The following GRIK4 variants were observed in gnomAD, a reference collection of about 807,000 sequenced individuals.
GRIK4 encodes the protein glutamate ionotropic receptor kainate type subunit 4.
In GRIK4, 40 loss-of-function variants were observed where a neutral mutation model predicts 104.9. That is an observed-to-expected ratio of 0.38 (90% CI 0.30 to 0.50). The LOEUF is 0.50. Ranked by LOEUF, GRIK4 falls within the 20% of genes least tolerant of loss-of-function variation. The pLI is 0.93. For missense variants in GRIK4, 1,047 were observed against 1,308.1 expected, an observed-to-expected ratio of 0.80 and a Z score of 3.08; for synonymous variants, 485 against 524.9, an observed-to-expected ratio of 0.92 and a Z score of 1.04.
intron 3 of GRIK4, among the ~76,000 whole-genome samples, chr11:120,715,976 G>T (rs898964095): frequency 6.6e-6 from 1 of 152,174 alleles, no homozygotes; most frequent in Non-Finnish European, 1.5e-5. Flanking sequence ...CCTGAGCAGA[G>T]AGTGGGCTTC....
At chr11:120,520,378 C>T (rs1317876330) in intron 1 of GRIK4, among the ~76,000 whole-genome samples, 1 of 152,208 alleles carries the variant, frequency 6.6e-6, no homozygotes, top group African/African-American at 2.4e-5. Context: ...TTTCTTCGAT[C>T]CCTGAGTGAG....
At chr11:120,892,758 C>T (rs1404542173) in intron 11 of GRIK4, among the ~76,000 whole-genome samples, 1 of 152,166 alleles carries the variant, frequency 6.6e-6, no homozygotes, top group African/African-American at 2.4e-5. Context: ...ACAGTCATCT[C>T]CTTTCCAAAG....
chr11:120,587,303 G>A (rs1948679165), intron 1 of GRIK4, among the ~76,000 whole-genome samples: 1 of 152,054 alleles, frequency 6.6e-6, no homozygotes, highest in Non-Finnish European at 1.5e-5. Flanking sequence ...GCCAGTGTGA[G>A]TACGTGATTG....
chr11:120,570,714 C>T (rs1476572828), intron 1 of GRIK4, among the ~76,000 whole-genome samples: 1 of 152,252 alleles, frequency 6.6e-6, no homozygotes, highest in Admixed American at 6.5e-5. Flanking sequence ...CCTTGGCCTG[C>T]CAAAGTGCTA....
chr11:120,780,082 T>C (rs1362507290), intron 3 of GRIK4, among the ~76,000 whole-genome samples: 1 of 152,224 alleles, frequency 6.6e-6, no homozygotes. Flanking sequence ...ATCTCCTAGA[T>C]TATCATGAGA....
intron 1 of GRIK4, among the ~76,000 whole-genome samples, chr11:120,618,720 A>G (rs1949146342): frequency 6.6e-6 from 1 of 152,244 alleles, no homozygotes; most frequent in Admixed American, 6.5e-5. Context: ...CGTGGGCCAC[A>G]GTTTCAGAGG....
chr11:120,604,927 A>T (rs997968442), intron 1 of GRIK4, among the ~76,000 whole-genome samples: 6 of 152,152 alleles, frequency 3.9e-5, no homozygotes, highest in Non-Finnish European at 8.8e-5. Flanking sequence ...CAGTGGTATG[A>T]TCATGGCTCA....
At chr11:120,672,205 C>T (rs569776190) in intron 3 of GRIK4, among the ~76,000 whole-genome samples, 3 of 152,028 alleles carry the variant, frequency 2.0e-5, no homozygotes, top group Admixed American at 6.6e-5. Context: ...ATCATGAGTT[C>T]GGGAGTTTGA....
intron 3 of GRIK4, among the ~76,000 whole-genome samples, chr11:120,756,907 G>A (rs1951664059): frequency 6.6e-6 from 1 of 152,210 alleles, no homozygotes; most frequent in Non-Finnish European, 1.5e-5. Context: ...AGCCAGCCCA[G>A]CCAGCCCCTG....
intron 3 of GRIK4, among the ~76,000 whole-genome samples, chr11:120,692,729 C>A (rs549962890): frequency 3.3e-5 from 5 of 152,222 alleles, no homozygotes; most frequent in South Asian, 4.2e-4. Context: ...TTTGGAGAAA[C>A]AGGCAACTCT....
At chr11:120,614,421 A>G (rs992528520) in intron 1 of GRIK4, among the ~76,000 whole-genome samples, 1 of 152,166 alleles carries the variant, frequency 6.6e-6, no homozygotes, top group Non-Finnish European at 1.5e-5. Context: ...TCCCATGTGC[A>G]TGGGCTGCAT....
At chr11:120,677,593 A>G (rs1026701590) in intron 3 of GRIK4, among the ~76,000 whole-genome samples, 1 of 152,232 alleles carries the variant, frequency 6.6e-6, no homozygotes, top group Non-Finnish European at 1.5e-5. Flanking sequence ...TTGTTGGTAC[A>G]TGTTCTAAAT....
chr11:120,874,241 C>A (rs1253272901), intron 10 of GRIK4, 23 bp downstream of exon 10: 3 of 1,595,452 alleles, frequency 1.9e-6, no homozygotes, highest in Non-Finnish European at 2.6e-6. Context: ...TGAGGCCCTG[C>A]AGGGCTGTGC....
intron 13 of GRIK4, among the ~76,000 whole-genome samples, chr11:120,930,962 G>A (rs532179316): frequency 2.0e-5 from 3 of 152,324 alleles, no homozygotes; most frequent in Admixed American, 6.5e-5. Flanking sequence ...GCTGTGGTGC[G>A]TAAGTGAGTT....
At position 120,675,888 on chromosome 11, in the gene GRIK4, CCATGA is replaced by C. The variant is rs371192860; in HGVS notation, c.82+15492_82+15496del. On this transcript the variant is annotated intron_variant, in intron 3 of 20. Coordinates refer to ENST00000527524, the MANE Select transcript of GRIK4 (RefSeq NM_014619.5). Reference sequence around the variant, plus strand: ...TTATTACTGTAGTTTTCCATTGCTGCCATGACATATTTTCACAAACTTAGTGGCTT... The same window carrying C: ...TTATTACTGTAGTTTTCCATTGCTGCCATATTTTCACAAACTTAGTGGCTT... 5.3e-5 allele frequency among the ~76,000 whole-genome samples: 8 copies of C among 152,246 alleles called. No homozygotes were observed. In the East Asian group the frequency reaches 1.5e-3, roughly 29 times the overall value.
intron 3 of GRIK4, among the ~76,000 whole-genome samples, chr11:120,794,469 G>A (rs766336372): frequency 6.6e-6 from 1 of 151,930 alleles, no homozygotes; most frequent in Non-Finnish European, 1.5e-5. Context: ...ACATCAGAAT[G>A]TGACTCTATT....
chr11:120,886,090 T>C (rs1008116372), intron 11 of GRIK4, among the ~76,000 whole-genome samples: 3 of 152,230 alleles, frequency 2.0e-5, no homozygotes, highest in African/African-American at 7.2e-5. Flanking sequence ...GTGGATTCCA[T>C]GTTTGCAAAT....
chr11:120,754,748 A>C (rs900651071), intron 3 of GRIK4, among the ~76,000 whole-genome samples: 2 of 152,132 alleles, frequency 1.3e-5, no homozygotes, highest in African/African-American at 4.8e-5. Flanking sequence ...TCTGTCTCAC[A>C]TGGTTTTGAT....
At chr11:120,527,259 G>T (rs1947866993) in intron 1 of GRIK4, among the ~76,000 whole-genome samples, 1 of 152,238 alleles carries the variant, frequency 6.6e-6, no homozygotes, top group Admixed American at 6.5e-5. Flanking sequence ...CAGCTTTCAT[G>T]GAATGTGGAG....
Sources: allele counts gnomAD v4.1 joint callset (sites outside exome capture counted in the v4.1 genomes callset), GRCh38; gene constraint gnomAD v4.1.1; transcripts MANE v1.5; gene names NCBI Gene and HGNC (gene_info 2026-07-23, HGNC 2026-07-21).